AUTS2: variants seen among roughly 807,000 people sequenced by gnomAD.
AUTS2 encodes autism susceptibility gene 2 protein.
A neutral mutation model predicts 112.4 loss-of-function variants in AUTS2; 17 were observed. The observed-to-expected ratio is 0.15, with a 90% CI of 0.10 to 0.23. AUTS2 has a LOEUF of 0.23. Among genes scored for constraint, AUTS2 ranks in the 10% least tolerant of loss-of-function variants. AUTS2 has a pLI of 1.00. For missense variants in AUTS2, 1,510 were observed against 1,701.6 expected (o/e 0.89, Z 1.98); for synonymous variants, 751 against 702.7 (o/e 1.07, Z -1.09).
At chr7:69,984,453 A>C (rs1798425376) in intron 2 of AUTS2, among the ~76,000 whole-genome samples, 1 of 151,924 alleles carries the variant, frequency 6.6e-6, no homozygotes. Context: ...TTTGTGAAAA[A>C]TTTGATAGGT....
intron 6 of AUTS2, among the ~76,000 whole-genome samples, chr7:70,749,985 G>T (rs1788698758): frequency 1.3e-5 from 2 of 152,194 alleles, no homozygotes; most frequent in African/African-American, 4.8e-5. Flanking sequence ...CTTGACTGAG[G>T]TCGCTGAGAC....
intron 5 of AUTS2, among the ~76,000 whole-genome samples, chr7:70,666,305 T>A (rs1807345637): frequency 6.6e-6 from 1 of 152,176 alleles, no homozygotes; most frequent in South Asian, 2.1e-4. Flanking sequence ...CGACACTAAG[T>A]GATATGGAGG....
At chr7:70,720,173 A>G (rs1293334393) in intron 6 of AUTS2, among the ~76,000 whole-genome samples, 1 of 149,606 alleles carries the variant, frequency 6.7e-6, no homozygotes, top group Non-Finnish European at 1.5e-5. Flanking sequence ...GAAGATCAAC[A>G]CGAAGTCTTT....
chr7:70,662,876 G>A (rs1298179551), intron 5 of AUTS2, among the ~76,000 whole-genome samples: 2 of 152,210 alleles, frequency 1.3e-5, no homozygotes, highest in East Asian at 1.9e-4. Context: ...AATTGATGTT[G>A]TGTTTCTTTT....
chr7:69,831,331 G>T (rs1264926750), intron 1 of AUTS2, among the ~76,000 whole-genome samples: 1 of 152,132 alleles, frequency 6.6e-6, no homozygotes, highest in Non-Finnish European at 1.5e-5. Flanking sequence ...AGAGGCTTGG[G>T]GCATCATTGC....
chr7:70,306,382 T>C (rs1789494913), intron 4 of AUTS2, among the ~76,000 whole-genome samples: 1 of 152,248 alleles, frequency 6.6e-6, no homozygotes, highest in African/African-American at 2.4e-5. Context: ...GAGCATGTGC[T>C]GTGTCTTGAG....
intron 2 of AUTS2, among the ~76,000 whole-genome samples, chr7:70,096,710 A>G (rs1237229866): frequency 5.4e-5 from 8 of 147,774 alleles, no homozygotes; most frequent in Non-Finnish European, 1.2e-4. Context: ...TACAGAGAGA[A>G]TAAAATTTAT....
intron 5 of AUTS2, among the ~76,000 whole-genome samples, chr7:70,657,220 G>A (rs1040948330): frequency 2.6e-5 from 4 of 151,624 alleles, no homozygotes; most frequent in Non-Finnish European, 4.4e-5. Flanking sequence ...GGGTTAACCC[G>A]CCGTCTTAAT....
chr7:70,652,833 G>A (rs1421704225), intron 5 of AUTS2, among the ~76,000 whole-genome samples: 1 of 152,176 alleles, frequency 6.6e-6, no homozygotes, highest in African/African-American at 2.4e-5. Flanking sequence ...GGCAATGGTG[G>A]TGTTTTTTGG....
intron 1 of AUTS2, among the ~76,000 whole-genome samples, chr7:69,809,953 G>C (rs1790476457): frequency 6.6e-6 from 1 of 152,144 alleles, no homozygotes; most frequent in Non-Finnish European, 1.5e-5. Flanking sequence ...CAAAACCAGA[G>C]TGACTTTTCC....
intron 4 of AUTS2, among the ~76,000 whole-genome samples, chr7:70,280,554 G>A (rs941220569): frequency 2.7e-5 from 4 of 150,532 alleles, no homozygotes; most frequent in African/African-American, 4.9e-5. Context: ...CCTCGGCCTC[G>A]TAAAGTGCTG....
chr7:69,899,198 C>G, intron 1 of AUTS2, 88 bp from the exon 2 acceptor site: 1 of 961,520 alleles, frequency 1.0e-6, no homozygotes, highest in Non-Finnish European at 1.6e-6. Flanking sequence ...TTAGTAGTAA[C>G]ACCCTTTAGT....
chr7:69,601,824 C>T (rs1792423003), intron 1 of AUTS2, among the ~76,000 whole-genome samples: 2 of 151,912 alleles, frequency 1.3e-5, no homozygotes, highest in Admixed American at 6.6e-5. Context: ...GTTGAAATGG[C>T]AGCATGTTCC....
At chr7:69,997,646 G>A (rs1799006823) in intron 2 of AUTS2, among the ~76,000 whole-genome samples, 1 of 152,160 alleles carries the variant, frequency 6.6e-6, no homozygotes, top group Non-Finnish European at 1.5e-5. Context: ...GTCAGAAGGA[G>A]CAAGAGAGAT....
At chr7:70,666,704 C>T (rs1807368117) in intron 5 of AUTS2, among the ~76,000 whole-genome samples, 1 of 152,076 alleles carries the variant, frequency 6.6e-6, no homozygotes, top group Non-Finnish European at 1.5e-5. Flanking sequence ...CCCCCAAGGA[C>T]ACCTGCAGCT....
At chr7:70,641,482 G>T (rs1310411656) in intron 5 of AUTS2, among the ~76,000 whole-genome samples, 1 of 152,162 alleles carries the variant, frequency 6.6e-6, no homozygotes, top group Non-Finnish European at 1.5e-5. Context: ...AACCCGGGAG[G>T]CAGAGCTTGC....
intron 6 of AUTS2, 182 bp downstream of exon 6, chr7:70,698,802 C>T (rs1465800928): frequency 6.2e-6 from 3 of 483,202 alleles, no homozygotes; most frequent in East Asian, 6.5e-5. Context: ...CATTAACAAC[C>T]AGTTTATTTT....
At chr7:70,665,994 G>T (rs1807329671) in intron 5 of AUTS2, among the ~76,000 whole-genome samples, 2 of 152,304 alleles carry the variant, frequency 1.3e-5, no homozygotes, top group South Asian at 4.1e-4. Context: ...TCCACTGGCG[G>T]CTGGGGGCCT....
At chr7:70,406,534 A>G (rs1794541820) in intron 4 of AUTS2, among the ~76,000 whole-genome samples, 1 of 152,212 alleles carries the variant, frequency 6.6e-6, no homozygotes, top group Non-Finnish European at 1.5e-5. Flanking sequence ...GTTGAGAAGA[A>G]CAGTGTACTT....
Sources: gnomAD v4.1 joint callset for allele counts (sites outside exome capture counted in the v4.1 genomes callset) on GRCh38, gnomAD v4.1.1 for gene constraint, MANE v1.5 for transcripts, NCBI Gene and HGNC (gene_info 2026-07-23, HGNC 2026-07-21) for gene names.